MEGF11: variants seen among roughly 807,000 people sequenced by gnomAD.
The protein encoded by MEGF11 is multiple epidermal growth factor-like domains protein 11.
A neutral mutation model predicts 146.6 loss-of-function variants in MEGF11; 126 were observed. That is an observed-to-expected ratio of 0.86 (90% CI 0.74 to 1.00). The LOEUF is 1.00. MEGF11 is among the 50% of genes least tolerant of loss of function. MEGF11 has a pLI of 0.00. For synonymous variants in MEGF11, 532 were observed against 583.4 expected, an observed-to-expected ratio of 0.91 and a Z score of 1.27; for missense variants, 1,509 against 1,521.2, an observed-to-expected ratio of 0.99 and a Z score of 0.13.
At chr15:66,195,747 G>A (rs1168292847) in intron 1 of MEGF11, among the ~76,000 whole-genome samples, 1 of 152,212 alleles carries the variant, frequency 6.6e-6, no homozygotes. Context: ...ACACTAGCAT[G>A]TAGGTTCCCT....
At chr15:66,105,683 A>G (rs8041596) in intron 4 of MEGF11, among the ~76,000 whole-genome samples, 124,574 of 152,190 alleles carry the variant, frequency 0.82, 51,256 homozygotes, top group East Asian at 0.9. Context: ...GGACTGAAGG[A>G]TGTTTGAGCC....
chr15:66,181,895 A>C (rs1346836066), intron 1 of MEGF11, among the ~76,000 whole-genome samples: 1 of 152,170 alleles, frequency 6.6e-6, no homozygotes, highest in Non-Finnish European at 1.5e-5. Flanking sequence ...GTTTGCTCCT[A>C]AATGAGGAAG....
chr15:66,089,440 C>T (rs916046335), intron 5 of MEGF11, among the ~76,000 whole-genome samples: 1 of 152,178 alleles, frequency 6.6e-6, no homozygotes, highest in South Asian at 2.1e-4. Flanking sequence ...GAAGAGCAGC[C>T]TTCTCCCTCA....
At chr15:65,971,699 C>T (rs1270177073) in intron 7 of MEGF11, among the ~76,000 whole-genome samples, 3 of 152,314 alleles carry the variant, frequency 2.0e-5, no homozygotes, top group Non-Finnish European at 2.9e-5. Flanking sequence ...TCAGTCAACA[C>T]GCCTGACATC....
At chr15:66,018,190 G>A (rs2082963033) in intron 5 of MEGF11, among the ~76,000 whole-genome samples, 1 of 152,194 alleles carries the variant, frequency 6.6e-6, no homozygotes, top group African/African-American at 2.4e-5. Context: ...TCCCTTGGGT[G>A]CCTGACTGTC....
chr15:65,969,954 C>T (rs1596930265), intron 8 of MEGF11, among the ~76,000 whole-genome samples: 2 of 152,266 alleles, frequency 1.3e-5, no homozygotes, highest in East Asian at 1.9e-4. Context: ...TCTCCCTTTT[C>T]CTCTGCACCT....
intron 1 of MEGF11, among the ~76,000 whole-genome samples, chr15:66,203,271 C>T (rs1467909495): frequency 6.6e-6 from 1 of 152,222 alleles, no homozygotes; most frequent in Admixed American, 6.5e-5. Flanking sequence ...GGGCCCGCCT[C>T]ACATGCAGGC....
intron 1 of MEGF11, among the ~76,000 whole-genome samples, chr15:66,146,238 A>G (rs1183537674): frequency 4.6e-5 from 7 of 152,182 alleles, no homozygotes. Context: ...ATGTATACTA[A>G]ATGATACATG....
chr15:66,035,290 C>T (rs2083685795), intron 5 of MEGF11, among the ~76,000 whole-genome samples: 1 of 152,164 alleles, frequency 6.6e-6, no homozygotes, highest in African/African-American at 2.4e-5. Flanking sequence ...ACTACTACTA[C>T]TGCTGCTGCT....
chr15:66,100,298 C>G (rs1325028083), intron 4 of MEGF11, among the ~76,000 whole-genome samples: 2 of 152,164 alleles, frequency 1.3e-5, no homozygotes, highest in Admixed American at 6.5e-5. Flanking sequence ...GAATCCTCCC[C>G]CTACCTGCTC....
intron 10 of MEGF11, among the ~76,000 whole-genome samples, chr15:65,935,872 C>T (rs2079765393): frequency 6.6e-6 from 1 of 152,164 alleles, no homozygotes; most frequent in Admixed American, 6.5e-5. Context: ...AGCCTCTGAT[C>T]TGAGGGTGAG....
intron 5 of MEGF11, among the ~76,000 whole-genome samples, chr15:66,060,309 A>G (rs944954895): frequency 6.6e-6 from 1 of 152,170 alleles, no homozygotes; most frequent in African/African-American, 2.4e-5. Flanking sequence ...CCAAAGCCTC[A>G]GGTCAGAAAA....
chr15:66,068,597 C>T (rs993415629), intron 5 of MEGF11, among the ~76,000 whole-genome samples: 4 of 152,166 alleles, frequency 2.6e-5, no homozygotes, highest in Admixed American at 6.5e-5. Context: ...GGGATTCAAC[C>T]CCAGGGGTCC....
chr15:66,169,290 A>C (rs1460616763), intron 1 of MEGF11, among the ~76,000 whole-genome samples: 1 of 152,172 alleles, frequency 6.6e-6, no homozygotes, highest in Non-Finnish European at 1.5e-5. Context: ...CAATTGAGCC[A>C]CCTGATCTCC....
intron 5 of MEGF11, among the ~76,000 whole-genome samples, chr15:65,997,198 T>C (rs900894107): frequency 2.0e-5 from 3 of 151,930 alleles, no homozygotes; most frequent in African/African-American, 7.3e-5. Flanking sequence ...GGCCTGAGAG[T>C]GAGTGACAAA....
intron 9 of MEGF11, among the ~76,000 whole-genome samples, chr15:65,961,178 G>A (rs2080845323): frequency 6.6e-6 from 1 of 152,124 alleles, no homozygotes; most frequent in South Asian, 2.1e-4. Flanking sequence ...CCTTCTTCCT[G>A]GTGGTGGTCC....
intron 1 of MEGF11, among the ~76,000 whole-genome samples, chr15:66,186,434 G>A (rs1313515794): frequency 6.6e-6 from 1 of 152,200 alleles, no homozygotes; most frequent in Non-Finnish European, 1.5e-5. Context: ...AATTTGCCCT[G>A]TGGGGAAGGA....
In MEGF11 at chr15:66,183,457, G is replaced by A. The variant is rs1159944434; in HGVS notation, c.-8-55046C>T. Among the ~76,000 whole-genome samples, 9 of 150,592 alleles carry A rather than the reference G, an allele frequency of 6.0e-5. No individual in the cohort carries two copies. The East Asian group carries it at 1.6e-3, about 26-fold the overall frequency. The stretch of plus-strand genomic sequence containing the variant: ...GGAGGTTGCAGTGAGCCGAGATTGC[G>A]CCACTGCACTCCAGCCTGGGCAACA... On this transcript the variant is annotated intron_variant, in intron 1 of 25. Transcript: ENST00000395614.
At chr15:66,181,757 T>A (rs1187341708) in intron 1 of MEGF11, among the ~76,000 whole-genome samples, 1 of 152,190 alleles carries the variant, frequency 6.6e-6, no homozygotes, top group Non-Finnish European at 1.5e-5. Flanking sequence ...TTTTATTTAG[T>A]GCCAATGCTG....
Sources: gnomAD v4.1 joint callset for allele counts (sites outside exome capture counted in the v4.1 genomes callset) on GRCh38, gnomAD v4.1.1 for gene constraint, MANE v1.5 for transcripts, NCBI Gene and HGNC (gene_info 2026-07-23, HGNC 2026-07-21) for gene names.